The following DNAH17 variants were observed in gnomAD, a reference collection of about 807,000 sequenced individuals.
DNAH17 encodes axonemal beta dynein heavy chain 17.
Under a neutral mutation model 485.6 loss-of-function variants are expected in DNAH17, and 376 were observed. The ratio of observed to expected loss-of-function variants is 0.77; its 90% CI spans 0.71 to 0.84. DNAH17 has a LOEUF of 0.84. Among genes scored for constraint, DNAH17 ranks in the 40% least tolerant of loss-of-function variants. The pLI, the probability that DNAH17 is intolerant of heterozygous loss-of-function variation, is 0.00. For missense variants in DNAH17, 6,370 were observed against 5,839.3 expected (o/e 1.09, Z -2.96); for synonymous variants, 3,031 against 2,405.9 (o/e 1.26, Z -7.60).
rs1598458380 is a variant in DNAH17, at chr17:78,444,586, G to C, written c.11528+18C>G. ...CTGGGCCTCGGGGGCGGGGCCCCCG[G>C]CGCGGCGGGACACTCACTTGATAGC... On this transcript the variant is annotated intron_variant, in intron 71 of 80. Transcript: ENST00000389840. 2 of 1,535,286 alleles carry C rather than the reference G, an allele frequency of 1.3e-6. No homozygotes were observed. The highest frequency in any genetic ancestry group is 1.8e-6 in the Non-Finnish European group (2 of 1,141,966).
At chr17:78,563,209 C>T (rs571500252) in intron 11 of DNAH17, among the ~76,000 whole-genome samples, 1 of 152,286 alleles carries the variant, frequency 6.6e-6, no homozygotes, top group East Asian at 1.9e-4. Context: ...TCTGATTTCT[C>T]CTGGGCTTAG....
intron 55 of DNAH17, 136 bp downstream of exon 55, chr17:78,468,481 C>G: frequency 8.1e-7 from 1 of 1,229,012 alleles, no homozygotes; most frequent in Non-Finnish European, 1.1e-6. Flanking sequence ...AGCCCCACCC[C>G]TCACACTCTC....
At chr17:78,432,717 G>C (rs75027531) in intron 75 of DNAH17, among the ~76,000 whole-genome samples, 1 of 152,182 alleles carries the variant, frequency 6.6e-6, no homozygotes, top group African/African-American at 2.4e-5. Context: ...TAGTGGCCCA[G>C]GTCTTGAGCT....
At chr17:78,524,555 C>T (rs1273588126) in intron 25 of DNAH17, among the ~76,000 whole-genome samples, 1 of 152,172 alleles carries the variant, frequency 6.6e-6, no homozygotes, top group Non-Finnish European at 1.5e-5. Flanking sequence ...AGTGCGTCCT[C>T]ACCAGACATT....
chr17:78,449,510 G>T lies in DNAH17; in HGVS notation c.11115C>A (p.Asn3705Lys). 1 of 1,592,708 alleles carries T rather than the reference G, an allele frequency of 6.3e-7. No individual in the cohort carries two copies. The highest frequency in any genetic ancestry group is 8.5e-7 in the Non-Finnish European group (1 of 1,169,666). ...PANEVKQRVI[N>K]LTDEITYSVY... ...CGGAGTAGGTGATCTCGTCCGTCAG[G>T]TTGATCACCCGCTGCTTCACCTCGT... The change falls in exon 69 of 81, where the codon AAC (asparagine) becomes AAA (lysine). Residue 3705 changes from asparagine (N) to lysine (K), a missense_variant. Asn to Lys is a moderately conservative substitution (Grantham distance 94). Coordinates refer to ENST00000389840, the MANE Select transcript of DNAH17 (RefSeq NM_173628.4).
At chr17:78,476,450 C>T (rs1004141371) in intron 52 of DNAH17, 122 bp downstream of exon 52, 30 of 1,188,384 alleles carry the variant, frequency 2.5e-5, no homozygotes, top group South Asian at 8.1e-5. Flanking sequence ...GAACCTAACA[C>T]GGATCTTCCC....
intron 13 of DNAH17, 148 bp downstream of exon 13, chr17:78,560,592 A>G (rs1034398085): frequency 6.4e-5 from 51 of 793,298 alleles, no homozygotes; most frequent in Non-Finnish European, 5.7e-5. Flanking sequence ...CATGTCTTAA[A>G]TATACCCTGG....
chr17:78,498,800 T>TA, intron 37 of DNAH17: 3 of 433,882 alleles, frequency 6.9e-6, no homozygotes, highest in Non-Finnish European at 1.2e-5. Flanking sequence ...ACCATACATG[T>TA]AACCTGTAAT....
At chr17:78,557,636 C>CAAAAAAAAAAAAAAAAA (rs34251460) in intron 14 of DNAH17, among the ~76,000 whole-genome samples, 12 of 29,036 alleles carry the variant, frequency 4.1e-4, no homozygotes, top group Non-Finnish European at 5.6e-4. Flanking sequence ...GAGACTGTCT[C>CAAAAAAAAAAAAAAAAA]AAAAAAAAAA....
intron 42 of DNAH17, 132 bp downstream of exon 42, chr17:78,492,501 T>C: frequency 7.8e-7 from 1 of 1,283,552 alleles, no homozygotes; most frequent in Non-Finnish European, 1.1e-6. Context: ...GTGCCACCAT[T>C]GCAGGCCACG....
intron 11 of DNAH17, among the ~76,000 whole-genome samples, chr17:78,563,917 T>TC (rs1323927558): frequency 6.6e-6 from 1 of 151,938 alleles, no homozygotes; most frequent in East Asian, 1.9e-4. Context: ...CCTGCCTCCC[T>TC]CCCCTCCGCT....
chr17:78,537,133 G>A (rs1401669162), intron 19 of DNAH17, among the ~76,000 whole-genome samples, 166 bp downstream of exon 19: 6 of 150,414 alleles, frequency 4.0e-5, no homozygotes, highest in South Asian at 2.1e-4. Context: ...AGCCAAGATC[G>A]CGCCACTGCA....
chr17:78,486,060 C>T lies in DNAH17; in HGVS notation c.7175G>A (p.Gly2392Glu), dbSNP rs779285419. ...EFKTIKFPSQ[G>E]TIFDYYIDPD... is the part of the protein sequence containing the mutation. ...ATCAATGTAGTAGTCAAAAATCGTT[C>T]CCTGCGAGGGGAACTTGATAGTCTT... Residue 2392 changes from glycine to glutamate, a missense_variant, in exon 46 of 81, where the codon GGA becomes GAA. Gly to Glu is a moderately conservative substitution (Grantham distance 98). Transcript: ENST00000389840. 8 of 1,613,930 alleles carry T rather than the reference C, an allele frequency of 5.0e-6. No individual in the cohort carries two copies. The Admixed American group carries it at 1.2e-4, about 24-fold the overall frequency.
At chr17:78,432,427 G>T (rs975135461) in intron 75 of DNAH17, among the ~76,000 whole-genome samples, 1 of 152,130 alleles carries the variant, frequency 6.6e-6, no homozygotes, top group Non-Finnish European at 1.5e-5. Flanking sequence ...TGGCATCTAT[G>T]GCCCATGGTG....
In DNAH17 at chr17:78,434,152, G is replaced by A. The variant is rs772761206; in HGVS notation, c.12102C>T (p.His4034=). ...ACTTGCGCCTCTCTGCCACCACAGCGTGGAAGTAGCACAGGGCGAAGAGCA... is the reference window on the plus strand; with the variant it reads ...ACTTGCGCCTCTCTGCCACCACAGCATGGAAGTAGCACAGGGCGAAGAGCA... ...KCMLFALCYF[H]AVVAERRKFG... Residue 4034 remains histidine (H), a synonymous_variant, in exon 75 of 81, where the codon CAC becomes CAT. Coordinates refer to ENST00000389840, the MANE Select transcript of DNAH17 (RefSeq NM_173628.4). 4.8e-5 allele frequency: 77 copies of A among 1,613,624 alleles called. No homozygotes were observed. Among genetic ancestry groups the A allele is most frequent in the South Asian group, 2.1e-4 (19 of 91,086 alleles).
intron 75 of DNAH17, among the ~76,000 whole-genome samples, chr17:78,431,994 A>G (rs2086691869): frequency 6.6e-6 from 1 of 151,826 alleles, no homozygotes; most frequent in African/African-American, 2.4e-5. Context: ...CAACATGGTA[A>G]AACCCCGTCT....
At chr17:78,433,931 GGGAGGGAA>G (rs1184577215) in intron 75 of DNAH17, 90 bp downstream of exon 75, 55 of 862,968 alleles carry the variant, frequency 6.4e-5, no homozygotes, top group Non-Finnish European at 8.3e-5. Flanking sequence ...GAAGGAAGGA[GGGAGGGAA>G]GGAGGGAGGG....
At chr17:78,453,518 G>A (rs1419181405) in intron 64 of DNAH17, 53 bp from the exon 65 acceptor site, 34 of 1,605,692 alleles carry the variant, frequency 2.1e-5, no homozygotes, top group African/African-American at 1.7e-4. Context: ...GTGATGGAAC[G>A]GTGCGCACGC....
At chr17:78,501,538 A>C in intron 34 of DNAH17, 194 bp from the exon 35 acceptor site, 2 of 961,190 alleles carry the variant, frequency 2.1e-6, no homozygotes, top group Non-Finnish European at 3.0e-6. Context: ...GGCACTTCCA[A>C]TGGGCGGGCA....
Sources: gnomAD v4.1 joint callset for allele counts (sites outside exome capture counted in the v4.1 genomes callset) on GRCh38, gnomAD v4.1.1 for gene constraint, MANE v1.5 for transcripts, NCBI Gene and HGNC (gene_info 2026-07-23, HGNC 2026-07-21) for gene names.